Variants in NEGR1 observed in about 807,000 individuals in gnomAD.
NEGR1 encodes neuronal growth regulator 1, also known as IgLON family member 4.
NEGR1 carries 10 observed loss-of-function variants against 40.9 expected under a neutral mutation model. The ratio of observed to expected loss-of-function variants is 0.24; its 90% CI spans 0.15 to 0.42. NEGR1 has a LOEUF of 0.42. Ranked by LOEUF, NEGR1 falls within the 10% of genes least tolerant of loss-of-function variation. The pLI, the probability that NEGR1 is intolerant of heterozygous loss-of-function variation, is 1.00. For missense variants in NEGR1, 352 were observed against 438.9 expected, an observed-to-expected ratio of 0.80 and a Z score of 1.77; for synonymous variants, 185 against 166.8, an observed-to-expected ratio of 1.11 and a Z score of -0.84.
intron 2 of NEGR1, among the ~76,000 whole-genome samples, chr1:71,790,446 G>A (rs756554930): frequency 2.0e-5 from 3 of 152,014 alleles, no homozygotes; most frequent in Non-Finnish European, 2.9e-5. Flanking sequence ...GCCATTAGAC[G>A]CCAGACAGAA....
intron 2 of NEGR1, among the ~76,000 whole-genome samples, chr1:71,932,888 C>G (rs1239182121): frequency 6.6e-6 from 1 of 152,056 alleles, no homozygotes; most frequent in Non-Finnish European, 1.5e-5. Context: ...GTGGGGTTGA[C>G]TTTTTATGAC....
chr1:71,805,654 C>T (rs1657742569), intron 2 of NEGR1, among the ~76,000 whole-genome samples: 1 of 152,182 alleles, frequency 6.6e-6, no homozygotes, highest in Admixed American at 6.5e-5. Context: ...TCATTGCAAG[C>T]TCATTACAGT....
chr1:72,135,026 T>C (rs954367214), intron 1 of NEGR1, among the ~76,000 whole-genome samples: 1 of 148,990 alleles, frequency 6.7e-6, no homozygotes, highest in Non-Finnish European at 1.5e-5. Flanking sequence ...CGTGAGCCAC[T>C]GCGCCTGGCC....
intron 4 of NEGR1, among the ~76,000 whole-genome samples, chr1:71,677,489 G>A (rs543637043): frequency 6.6e-6 from 1 of 151,900 alleles, no homozygotes; most frequent in African/African-American, 2.4e-5. Context: ...GTGAACATTG[G>A]GTTCTTGTGT....
intron 1 of NEGR1, among the ~76,000 whole-genome samples, chr1:72,075,799 T>C (rs1335291928): frequency 1.3e-5 from 2 of 152,214 alleles, no homozygotes; most frequent in East Asian, 3.8e-4. Flanking sequence ...TAACTTATGT[T>C]TCCTTTAGCC....
At chr1:71,619,944 T>C (rs944980371) in intron 4 of NEGR1, among the ~76,000 whole-genome samples, 1 of 152,098 alleles carries the variant, frequency 6.6e-6, no homozygotes, top group African/African-American at 2.4e-5. Context: ...TCTCATGCCA[T>C]CCTCAATGGG....
At chr1:71,728,209 T>A (rs1253758709) in intron 3 of NEGR1, among the ~76,000 whole-genome samples, 1 of 151,972 alleles carries the variant, frequency 6.6e-6, no homozygotes. Context: ...GAGACCAGGG[T>A]GGGTGGAATG....
chr1:71,472,026 G>C (rs115179019), intron 6 of NEGR1, among the ~76,000 whole-genome samples: 1,738 of 152,198 alleles, frequency 0.011, 30 homozygotes, highest in African/African-American at 0.04. Flanking sequence ...AAAGTCTTCT[G>C]ATCACATGTT....
At chr1:71,820,028 C>G (rs1410864251) in intron 2 of NEGR1, among the ~76,000 whole-genome samples, 1 of 151,934 alleles carries the variant, frequency 6.6e-6, no homozygotes, top group Non-Finnish European at 1.5e-5. Flanking sequence ...AATAAGATTT[C>G]AAAATATTAG....
intron 1 of NEGR1, among the ~76,000 whole-genome samples, chr1:72,205,940 C>T (rs1261920864): frequency 7.3e-6 from 1 of 137,038 alleles, no homozygotes; most frequent in African/African-American, 3.1e-5. Flanking sequence ...AGGACTCTGT[C>T]TCAAAAAAAA....
At chr1:71,507,306 G>T (rs1487493248) in intron 6 of NEGR1, among the ~76,000 whole-genome samples, 1 of 152,180 alleles carries the variant, frequency 6.6e-6, no homozygotes, top group Non-Finnish European at 1.5e-5. Context: ...AATTAGACAG[G>T]ATAGGGGTCA....
At chr1:71,960,888 CACT>C (rs1189602443) in intron 1 of NEGR1, among the ~76,000 whole-genome samples, 2 of 151,974 alleles carry the variant, frequency 1.3e-5, no homozygotes, top group Non-Finnish European at 2.9e-5. Flanking sequence ...AAAATGTCTC[CACT>C]GAGACAAAAT....
At chr1:71,980,413 G>C (rs1646344410) in intron 1 of NEGR1, among the ~76,000 whole-genome samples, 1 of 152,056 alleles carries the variant, frequency 6.6e-6, no homozygotes, top group African/African-American at 2.4e-5. Context: ...CTAGGCAATA[G>C]GGAAAAAGGC....
chr1:72,123,119 T>A (rs1649866665), intron 1 of NEGR1, among the ~76,000 whole-genome samples: 1 of 151,988 alleles, frequency 6.6e-6, no homozygotes, highest in South Asian at 2.1e-4. Flanking sequence ...CGAATAAGAA[T>A]TTATTTAGAA....
chr1:72,259,841 C>A (rs537064874), intron 1 of NEGR1, among the ~76,000 whole-genome samples: 36 of 152,188 alleles, frequency 2.4e-4, no homozygotes, highest in African/African-American at 8.4e-4. Flanking sequence ...GGCAAAATCG[C>A]TATGCAGGTA....
chr1:72,188,719 TCA>T (rs1390057888), intron 1 of NEGR1, among the ~76,000 whole-genome samples: 13 of 151,566 alleles, frequency 8.6e-5, no homozygotes, highest in South Asian at 6.2e-4. Flanking sequence ...CTTATCTGCT[TCA>T]CAGTGTTATT....
intron 6 of NEGR1, among the ~76,000 whole-genome samples, chr1:71,459,387 G>T (rs1212837754): frequency 1.3e-5 from 2 of 152,134 alleles, no homozygotes; most frequent in Non-Finnish European, 2.9e-5. Flanking sequence ...ACTAATATGA[G>T]GCTTCCTGAT....
intron 6 of NEGR1, among the ~76,000 whole-genome samples, chr1:71,447,694 A>G (rs1166307554): frequency 6.6e-6 from 1 of 152,152 alleles, no homozygotes; most frequent in East Asian, 1.9e-4. Flanking sequence ...CGTAACTTGA[A>G]TTTATCTCCC....
chr1:71,583,121 AAAATAAATAAATAAAT>A lies in NEGR1; in HGVS notation c.940+9680_940+9695del, dbSNP rs56672219. 4.2e-3 allele frequency among the ~76,000 whole-genome samples: 629 copies of A among 149,374 alleles called. 3 individuals carry two copies. Among genetic ancestry groups the A allele is most frequent in the African/African-American group, 0.014 (569 of 40,658 alleles). On this transcript the variant is annotated intron_variant, in intron 6 of 6. Coordinates refer to ENST00000357731, the MANE Select transcript of NEGR1 (RefSeq NM_173808.3). Reference sequence around the variant, plus strand: ...ATAAGAGGAAGGGATACAGAAAGTAAAAATAAATAAATAAATAAATAAATAAATAAATAGGTGAGAG... The same window carrying A: ...ATAAGAGGAAGGGATACAGAAAGTAAAAATAAATAAATAAATAGGTGAGAG...
Sources: gnomAD v4.1 joint callset for allele counts (sites outside exome capture counted in the v4.1 genomes callset) on GRCh38, gnomAD v4.1.1 for gene constraint, MANE v1.5 for transcripts, NCBI Gene and HGNC (gene_info 2026-07-23, HGNC 2026-07-21) for gene names.